CLSTN2: variants seen among roughly 807,000 people sequenced by gnomAD.
CLSTN2 encodes calsyntenin-2.
Under a neutral mutation model 101.2 loss-of-function variants are expected in CLSTN2, and 48 were observed. The observed-to-expected ratio is 0.47, with a 90% CI of 0.38 to 0.60. The LOEUF is 0.60. Among genes scored for constraint, CLSTN2 ranks in the 20% least tolerant of loss-of-function variants. CLSTN2 has a pLI of 0.00. For missense variants in CLSTN2, 1,160 were observed against 1,238.2 expected (o/e 0.94, Z 0.95); for synonymous variants, 481 against 463.6 (o/e 1.04, Z -0.48).
At chr3:140,477,901 C>T (rs1227753934) in intron 8 of CLSTN2, among the ~76,000 whole-genome samples, 1 of 152,212 alleles carries the variant, frequency 6.6e-6, no homozygotes, top group Non-Finnish European at 1.5e-5. Flanking sequence ...ATAAAACACA[C>T]TGTGTCATAG....
chr3:139,984,111 A>C (rs1935982849), intron 1 of CLSTN2, among the ~76,000 whole-genome samples: 1 of 152,192 alleles, frequency 6.6e-6, no homozygotes. Context: ...ATGTTCAAAA[A>C]TACTCATCAT....
intron 2 of CLSTN2, among the ~76,000 whole-genome samples, chr3:140,212,746 C>T (rs892275827): frequency 1.3e-5 from 2 of 152,190 alleles, no homozygotes; most frequent in African/African-American, 2.4e-5. Flanking sequence ...TTTCTGTTCA[C>T]TCTAGATCTT....
chr3:140,246,156 CTAA>C (rs1191028342), intron 2 of CLSTN2, among the ~76,000 whole-genome samples: 1 of 152,136 alleles, frequency 6.6e-6, no homozygotes, highest in Non-Finnish European at 1.5e-5. Context: ...TGTTTCCACA[CTAA>C]TAACACTAAA....
intron 2 of CLSTN2, among the ~76,000 whole-genome samples, chr3:140,306,848 T>TTTATTA (rs57111372): frequency 0.011 from 1,631 of 141,950 alleles, 13 homozygotes; most frequent in East Asian, 0.04. Context: ...TTTTTGTCTT[T>TTTATTA]TTATTATTAT....
At chr3:140,052,419 G>A (rs2008014824) in intron 1 of CLSTN2, among the ~76,000 whole-genome samples, 1 of 152,150 alleles carries the variant, frequency 6.6e-6, no homozygotes, top group Non-Finnish European at 1.5e-5. Context: ...GCCTCCCAAA[G>A]TGCTGAGATT....
chr3:140,383,773 C>T (rs1006667146), intron 2 of CLSTN2, among the ~76,000 whole-genome samples: 9 of 152,170 alleles, frequency 5.9e-5, no homozygotes, highest in African/African-American at 1.9e-4. Context: ...TAAGAGGTAG[C>T]ATAAGGGTAT....
At chr3:140,294,184 T>A (rs1415661864) in intron 2 of CLSTN2, among the ~76,000 whole-genome samples, 2 of 152,212 alleles carry the variant, frequency 1.3e-5, no homozygotes, top group African/African-American at 4.8e-5. Flanking sequence ...ACTATGAAGT[T>A]ACCTAGCTTC....
chr3:140,400,902 T>A (rs1189894778), intron 2 of CLSTN2, among the ~76,000 whole-genome samples: 1 of 152,160 alleles, frequency 6.6e-6, no homozygotes, highest in Non-Finnish European at 1.5e-5. Flanking sequence ...ACCACATTCT[T>A]AGGGAGGCCC....
At chr3:140,098,169 T>G (rs2008903318) in intron 1 of CLSTN2, among the ~76,000 whole-genome samples, 1 of 152,060 alleles carries the variant, frequency 6.6e-6, no homozygotes, top group Non-Finnish European at 1.5e-5. Context: ...AATTGGAGGT[T>G]TCAAGAATGC....
intron 1 of CLSTN2, among the ~76,000 whole-genome samples, chr3:139,953,675 G>A (rs1935333875): frequency 6.6e-6 from 1 of 152,170 alleles, no homozygotes; most frequent in South Asian, 2.1e-4. Flanking sequence ...CAGGTGGGAG[G>A]ATGACTGAGG....
chr3:140,430,505 A>G (rs1407818092), intron 5 of CLSTN2, among the ~76,000 whole-genome samples: 1 of 152,264 alleles, frequency 6.6e-6, no homozygotes, highest in East Asian at 1.9e-4. Flanking sequence ...GGCCACACTC[A>G]TTAGTTCACA....
At chr3:140,145,938 C>A (rs2009774507) in intron 1 of CLSTN2, among the ~76,000 whole-genome samples, 1 of 152,214 alleles carries the variant, frequency 6.6e-6, no homozygotes, top group Non-Finnish European at 1.5e-5. Context: ...TGATGGCCTG[C>A]CATTTCAAAA....
At chr3:140,057,346 C>A (rs1052386271) in intron 1 of CLSTN2, among the ~76,000 whole-genome samples, 1 of 152,160 alleles carries the variant, frequency 6.6e-6, no homozygotes, top group Non-Finnish European at 1.5e-5. Flanking sequence ...GGAGCCTTTG[C>A]AATAGCAGAT....
At chr3:140,157,698 G>A (rs1271153055) in intron 1 of CLSTN2, among the ~76,000 whole-genome samples, 1 of 151,102 alleles carries the variant, frequency 6.6e-6, no homozygotes, top group African/African-American at 2.5e-5. Context: ...TGGTTTCATT[G>A]ATTGTTTGTA....
intron 2 of CLSTN2, among the ~76,000 whole-genome samples, chr3:140,319,809 A>G (rs942619937): frequency 1.3e-5 from 2 of 152,278 alleles, no homozygotes; most frequent in Admixed American, 6.5e-5. Context: ...AATAATAATC[A>G]TTTTGCTCTT....
At chr3:139,957,335 C>T (rs2107812955) in intron 1 of CLSTN2, among the ~76,000 whole-genome samples, 1 of 152,266 alleles carries the variant, frequency 6.6e-6, no homozygotes, top group South Asian at 2.1e-4. Context: ...TACCCACAGC[C>T]TACATCCAGA....
At chr3:140,091,724 A>C (rs2008783060) in intron 1 of CLSTN2, among the ~76,000 whole-genome samples, 1 of 152,162 alleles carries the variant, frequency 6.6e-6, no homozygotes, top group Non-Finnish European at 1.5e-5. Flanking sequence ...GCCTCAAACA[A>C]ACACAGAAGG....
chr3:139,994,318 A>T (rs540272090), intron 1 of CLSTN2, among the ~76,000 whole-genome samples: 1 of 152,292 alleles, frequency 6.6e-6, no homozygotes, highest in Non-Finnish European at 1.5e-5. Flanking sequence ...TTGTGTTTCT[A>T]CAGTGTTTCA....
chr3:140,123,518 C>T (rs1270781076), intron 1 of CLSTN2, among the ~76,000 whole-genome samples: 3 of 152,112 alleles, frequency 2.0e-5, no homozygotes, highest in Non-Finnish European at 2.9e-5. Flanking sequence ...ATGCGGGATA[C>T]CTCAGAGGTC....
Sources: allele counts gnomAD v4.1 joint callset (sites outside exome capture counted in the v4.1 genomes callset), GRCh38; gene constraint gnomAD v4.1.1; transcripts MANE v1.5; gene names NCBI Gene and HGNC (gene_info 2026-07-23, HGNC 2026-07-21).